The following TTC27 variants were observed in gnomAD, a reference collection of about 807,000 sequenced individuals.
TTC27 encodes the protein tetratricopeptide repeat protein 27.
A neutral mutation model predicts 115.9 loss-of-function variants in TTC27; 79 were observed. That is an observed-to-expected ratio of 0.68 (90% confidence interval 0.57 to 0.82). TTC27 has a LOEUF of 0.82. Among genes scored for constraint, TTC27 ranks in the 40% least tolerant of loss-of-function variants. The pLI, the probability that TTC27 is intolerant of heterozygous loss-of-function variation, is 0.00. For synonymous variants in TTC27, 401 were observed against 356.0 expected (o/e 1.13, Z -1.42); for missense variants, 1,054 against 993.1 (o/e 1.06, Z -0.82).
At chr2:32,653,098 A>C (rs1238240805) in intron 5 of TTC27, among the ~76,000 whole-genome samples, 1 of 152,230 alleles carries the variant, frequency 6.6e-6, no homozygotes, top group Non-Finnish European at 1.5e-5. Flanking sequence ...TATTCAGGGC[A>C]TACAACAATT....
chr2:32,705,180 C>T (rs7567525), intron 10 of TTC27, among the ~76,000 whole-genome samples: 80,324 of 151,838 alleles, frequency 0.53, 22,555 homozygotes, highest in East Asian at 0.65. Context: ...GAGAGCTTGT[C>T]TGAGAGAGCC....
intron 16 of TTC27, among the ~76,000 whole-genome samples, chr2:32,791,079 T>TA (rs774177688): frequency 1.3e-5 from 2 of 152,212 alleles, no homozygotes; most frequent in Admixed American, 6.5e-5. Context: ...TATTTGTATT[T>TA]ATTTCTAGAT....
rs752869495 is a variant in TTC27, at chr2:32,777,867, T to G, written c.1681-15T>G. On this transcript the variant is annotated splice_polypyrimidine_tract_variant and intron_variant, in intron 13 of 19. Coordinates refer to ENST00000317907, the MANE Select transcript of TTC27 (RefSeq NM_017735.5). ...TTCTGTGTGTTTGAATGACTTTGAC[T>G]TTTGGTCTTTGCAGCTCGGGGTGTG... The G allele has an allele frequency of 4.3e-6, 7 of 1,613,450 alleles. No homozygotes were observed. In the African/African-American group the frequency reaches 9.3e-5, roughly 22 times the overall value.
intron 2 of TTC27, among the ~76,000 whole-genome samples, chr2:32,632,966 C>A (rs1203248713): frequency 1.3e-5 from 2 of 152,170 alleles, no homozygotes; most frequent in African/African-American, 4.8e-5. Flanking sequence ...AAAAGTTTGC[C>A]TATCCCTGTC....
chr2:32,742,442 A>G (rs190236389), intron 12 of TTC27, among the ~76,000 whole-genome samples: 1 of 152,380 alleles, frequency 6.6e-6, no homozygotes, highest in East Asian at 1.9e-4. Flanking sequence ...CTTTAAAAAA[A>G]TCAAGCCAGA....
At chr2:32,820,665 T>C (rs6543677) in intron 19 of TTC27, 151 bp from the exon 20 acceptor site, 328,194 of 544,554 alleles carry the variant, frequency 0.6, 101,248 homozygotes, top group African/African-American at 0.78. Context: ...GTACATTTCT[T>C]GGCTAGTGAA....
chr2:32,777,215 A>G (rs1254279182), intron 13 of TTC27, among the ~76,000 whole-genome samples: 1 of 152,230 alleles, frequency 6.6e-6, no homozygotes, highest in African/African-American at 2.4e-5. Context: ...TTGAAGATGA[A>G]AACAGAAATT....
intron 4 of TTC27, among the ~76,000 whole-genome samples, chr2:32,645,215 A>G (rs1321691984): frequency 6.6e-6 from 1 of 152,216 alleles, no homozygotes; most frequent in Non-Finnish European, 1.5e-5. Flanking sequence ...TCTGTGAAGT[A>G]TATAGACTAG....
At chr2:32,721,800 C>G (rs1156816891) in intron 10 of TTC27, among the ~76,000 whole-genome samples, 1 of 152,096 alleles carries the variant, frequency 6.6e-6, no homozygotes. Flanking sequence ...CCATGCCTGG[C>G]TAATTTTTTC....
At chr2:32,765,353 G>GA (rs2148001297) in intron 13 of TTC27, among the ~76,000 whole-genome samples, 1 of 142,538 alleles carries the variant, frequency 7.0e-6, no homozygotes, top group Non-Finnish European at 1.5e-5. Flanking sequence ...ATTTTGAAAG[G>GA]AATCTTTTTT....
intron 12 of TTC27, among the ~76,000 whole-genome samples, chr2:32,751,256 A>G (rs1668998762): frequency 9.6e-6 from 1 of 103,766 alleles, no homozygotes. Flanking sequence ...GGGTAGGTTA[A>G]ACCACACACA....
chr2:32,684,985 T>C (rs1206731183), intron 9 of TTC27, among the ~76,000 whole-genome samples: 1 of 150,512 alleles, frequency 6.6e-6, no homozygotes, highest in Non-Finnish European at 1.5e-5. Context: ...CACCTTCTCG[T>C]TGAAACTAAT....
chr2:32,698,435 G>GTTGTTATTATTATTATTATTA (rs1667066911), intron 9 of TTC27, among the ~76,000 whole-genome samples: 2 of 145,434 alleles, frequency 1.4e-5, no homozygotes, highest in Non-Finnish European at 3.0e-5. Context: ...CAGCCATAAA[G>GTTGTTATTATTATTATTATTA]TTATTATTAT....
intron 12 of TTC27, among the ~76,000 whole-genome samples, chr2:32,755,552 C>G (rs1045396842): frequency 6.6e-6 from 1 of 151,580 alleles, no homozygotes; most frequent in African/African-American, 2.4e-5. Flanking sequence ...AGCTTCGGCT[C>G]GGCATCAGAG....
chr2:32,748,692 T>TC (rs1275784088), intron 12 of TTC27, among the ~76,000 whole-genome samples: 2 of 150,342 alleles, frequency 1.3e-5, no homozygotes, highest in African/African-American at 4.9e-5. Context: ...AACAATTCTT[T>TC]TTTTTTTTTT....
chr2:32,778,537 GT>G (rs1670073210), intron 14 of TTC27, among the ~76,000 whole-genome samples: 1 of 152,110 alleles, frequency 6.6e-6, no homozygotes, highest in African/African-American at 2.4e-5. Context: ...AAACACTAAT[GT>G]GCATTTTGTC....
intron 3 of TTC27, among the ~76,000 whole-genome samples, chr2:32,637,882 A>G (rs1664489495): frequency 6.6e-6 from 1 of 152,190 alleles, no homozygotes; most frequent in Non-Finnish European, 1.5e-5. Context: ...GACTGAACTC[A>G]TGATGAAGGT....
intron 9 of TTC27, among the ~76,000 whole-genome samples, chr2:32,702,032 C>G (rs953000119): frequency 7.0e-6 from 1 of 142,886 alleles, no homozygotes; most frequent in African/African-American, 2.5e-5. Context: ...AAAACAAAAA[C>G]AAAAAAAACC....
intron 9 of TTC27, among the ~76,000 whole-genome samples, chr2:32,697,076 C>T (rs1667012409): frequency 6.6e-6 from 1 of 151,846 alleles, no homozygotes; most frequent in Non-Finnish European, 1.5e-5. Context: ...CCTGTAGCCC[C>T]AGTTACCCAG....
Sources: gnomAD v4.1 joint callset for allele counts (sites outside exome capture counted in the v4.1 genomes callset) on GRCh38, gnomAD v4.1.1 for gene constraint, MANE v1.5 for transcripts, NCBI Gene and HGNC (gene_info 2026-07-23, HGNC 2026-07-21) for gene names.